Variants in TBC1D1 observed in about 807,000 individuals in gnomAD.
TBC1D1 encodes the protein TBC1 domain family member 1.
In TBC1D1, 89 loss-of-function variants were observed where a neutral mutation model predicts 125.6. That is an observed-to-expected ratio of 0.71 (90% confidence interval 0.60 to 0.85). The LOEUF is 0.85. Ranked by LOEUF, TBC1D1 falls within the 40% of genes least tolerant of loss-of-function variation. The pLI is 0.00. For synonymous variants in TBC1D1, 565 were observed against 564.1 expected, an observed-to-expected ratio of 1.00 and a Z score of -0.02; for missense variants, 1,377 against 1,469.2, an observed-to-expected ratio of 0.94 and a Z score of 1.03.
intron 14 of TBC1D1, among the ~76,000 whole-genome samples, chr4:38,102,077 A>G (rs1760439831): frequency 8.4e-6 from 1 of 119,120 alleles, no homozygotes; most frequent in African/African-American, 3.3e-5. Flanking sequence ...GGAACATCAA[A>G]CACTGGGGCC....
rs539348891 is a variant in TBC1D1, at chr4:37,899,952, G to A, written c.-93-2051G>A. On this transcript the variant is annotated intron_variant, in intron 1 of 19. Transcript: ENST00000261439. The stretch of plus-strand genomic sequence containing the variant: ...TGGCTAACACGGTGAAACCCCGTCT[G>A]TACTAAAGATACAAAAGAATTAGCC... 2.6e-5 allele frequency among the ~76,000 whole-genome samples: 4 copies of A among 150,948 alleles called. No individual in the cohort carries two copies. The South Asian group carries it at 8.4e-4, about 32-fold the overall frequency.
intron 2 of TBC1D1, among the ~76,000 whole-genome samples, chr4:37,990,218 G>A (rs532787947): frequency 9.2e-5 from 14 of 152,290 alleles, no homozygotes; most frequent in African/African-American, 3.4e-4. Context: ...AGTTTAAAAT[G>A]TTAGAGCAAG....
intron 2 of TBC1D1, among the ~76,000 whole-genome samples, chr4:37,968,841 G>C (rs1471020094): frequency 6.6e-6 from 1 of 152,192 alleles, no homozygotes; most frequent in Non-Finnish European, 1.5e-5. Context: ...ATGTGTGAGT[G>C]AGCAGGACCC....
intron 2 of TBC1D1, among the ~76,000 whole-genome samples, chr4:37,984,518 C>T (rs1560570796): frequency 6.6e-6 from 1 of 152,134 alleles, no homozygotes; most frequent in African/African-American, 2.4e-5. Flanking sequence ...TGTAGTCCTA[C>T]TCCCTTTCTT....
chr4:37,945,952 A>G (rs887780181), intron 2 of TBC1D1, among the ~76,000 whole-genome samples: 16 of 152,224 alleles, frequency 1.1e-4, no homozygotes, highest in Non-Finnish European at 4.4e-5. Flanking sequence ...GAGTGCTGAT[A>G]ACAGAGGAGG....
At chr4:38,007,393 C>T (rs6844419) in intron 2 of TBC1D1, among the ~76,000 whole-genome samples, 1 of 151,804 alleles carries the variant, frequency 6.6e-6, no homozygotes, top group Non-Finnish European at 1.5e-5. Flanking sequence ...GCTGGGACTA[C>T]AGGCGCCTGC....
At chr4:38,026,528 C>T (rs1434044313) in intron 6 of TBC1D1, among the ~76,000 whole-genome samples, 1 of 152,268 alleles carries the variant, frequency 6.6e-6, no homozygotes, top group African/African-American at 2.4e-5. Flanking sequence ...CACTGTTCTC[C>T]AGCCCAGAGC....
At chr4:37,938,457 G>A (rs1161019252) in intron 2 of TBC1D1, among the ~76,000 whole-genome samples, 1 of 152,114 alleles carries the variant, frequency 6.6e-6, no homozygotes, top group African/African-American at 2.4e-5. Context: ...CACTTTGATA[G>A]GAGACAGTTT....
intron 2 of TBC1D1, among the ~76,000 whole-genome samples, chr4:37,943,027 C>T (rs1023933275): frequency 6.6e-5 from 10 of 152,150 alleles, no homozygotes; most frequent in South Asian, 6.2e-4. Flanking sequence ...GCAGGACAGG[C>T]CTGGTGGTGA....
intron 2 of TBC1D1, among the ~76,000 whole-genome samples, chr4:37,974,948 G>T (rs73236864): frequency 0.092 from 13,986 of 152,194 alleles, 809 homozygotes; most frequent in Middle Eastern, 0.2. Context: ...TCCCCTGTAG[G>T]GTCTAGCCCC....
intron 2 of TBC1D1, among the ~76,000 whole-genome samples, chr4:37,953,144 T>C (rs1194632073): frequency 1.3e-5 from 2 of 152,180 alleles, no homozygotes; most frequent in East Asian, 1.9e-4. Context: ...TCCGACAAGT[T>C]TGGAATGAAA....
intron 2 of TBC1D1, among the ~76,000 whole-genome samples, chr4:37,988,733 G>T (rs892852755): frequency 4.6e-5 from 7 of 152,068 alleles, no homozygotes; most frequent in African/African-American, 1.7e-4. Flanking sequence ...CATTCAAATG[G>T]AAACCAAAAA....
At position 38,072,738 on chromosome 4, in the gene TBC1D1, A is replaced by C. The variant is rs1754912994; in HGVS notation, c.2051-17194A>C. Among the ~76,000 whole-genome samples, 7 of 152,236 alleles carry C rather than the reference A, an allele frequency of 4.6e-5. No homozygotes were observed. The South Asian group carries it at 1.2e-3, about 27-fold the overall frequency. On this transcript the variant is annotated intron_variant, in intron 12 of 19. Coordinates refer to ENST00000261439, the MANE Select transcript of TBC1D1 (RefSeq NM_015173.4). ...GATCTGCAGAATTTTTCATCTTGTT[A>C]AACTGAAACTCTATGCCCAATAAAC... is the stretch of plus-strand genomic sequence containing the variant.
intron 12 of TBC1D1, among the ~76,000 whole-genome samples, chr4:38,066,886 T>G (rs1753824651): frequency 6.6e-6 from 1 of 152,220 alleles, no homozygotes; most frequent in Non-Finnish European, 1.5e-5. Context: ...GATTTTTTTT[T>G]TCTTTTACCC....
chr4:38,039,203 CG>C (rs1560670700), intron 8 of TBC1D1, among the ~76,000 whole-genome samples: 1 of 142,450 alleles, frequency 7.0e-6, no homozygotes, highest in African/African-American at 2.6e-5. Context: ...CTGCAAGCCC[CG>C]CCTCCCAAGT....
intron 12 of TBC1D1, among the ~76,000 whole-genome samples, chr4:38,077,513 C>T: frequency 6.6e-6 from 1 of 152,170 alleles, no homozygotes; most frequent in African/African-American, 2.4e-5. Flanking sequence ...TTTTCTATCC[C>T]AAGCTTAATA....
At chr4:38,002,689 C>A (rs773683362) in intron 2 of TBC1D1, among the ~76,000 whole-genome samples, 3 of 152,154 alleles carry the variant, frequency 2.0e-5, no homozygotes, top group Non-Finnish European at 2.9e-5. Context: ...TGGGAGCTGA[C>A]CTTTATTTAG....
At position 38,135,164 on chromosome 4, in the gene TBC1D1, T is replaced by C. The variant is rs1012660889; in HGVS notation, c.3306+1907T>C. ...CAGTACTGAATTTTCATATAGCTTTTCTGGGGGGGCCAAAATACCAAAATC... is the reference window on the plus strand; with the variant it reads ...CAGTACTGAATTTTCATATAGCTTTCCTGGGGGGGCCAAAATACCAAAATC... On this transcript the variant is annotated intron_variant, in intron 19 of 19. Coordinates refer to ENST00000261439, the MANE Select transcript of TBC1D1 (RefSeq NM_015173.4). Among the ~76,000 whole-genome samples the C allele has an allele frequency of 2.0e-5, 3 of 152,246 alleles. No homozygotes were observed. The South Asian group carries it at 6.2e-4, about 31-fold the overall frequency.
At chr4:37,933,471 C>G (rs1158551123) in intron 2 of TBC1D1, among the ~76,000 whole-genome samples, 3 of 128,698 alleles carry the variant, frequency 2.3e-5, no homozygotes, top group East Asian at 4.9e-4. Flanking sequence ...CACACACACA[C>G]AGTAGAATAA....
Sources: allele counts gnomAD v4.1 joint callset (sites outside exome capture counted in the v4.1 genomes callset), GRCh38; gene constraint gnomAD v4.1.1; transcripts MANE v1.5; gene names NCBI Gene and HGNC (gene_info 2026-07-23, HGNC 2026-07-21).